The following MYO10 variants were observed in gnomAD, a reference collection of about 807,000 sequenced individuals.
MYO10 encodes the protein myosin X.
A neutral mutation model predicts 257.3 loss-of-function variants in MYO10; 133 were observed. That is an observed-to-expected ratio of 0.52 (90% CI 0.45 to 0.60). The LOEUF (loss-of-function observed/expected upper bound fraction) is 0.60. Ranked by LOEUF, MYO10 falls within the 20% of genes least tolerant of loss-of-function variation. The probability of loss-of-function intolerance (pLI) is 0.00; values close to 1 mark genes in which losing one functional copy is unlikely to be tolerated. For synonymous variants in MYO10, 1,104 were observed against 1,028.6 expected (o/e 1.07, Z -1.40); for missense variants, 2,399 against 2,635.7 (o/e 0.91, Z 1.97).
chr5:16,673,773 A>G lies in MYO10; in HGVS notation c.5081T>C (p.Leu1694Pro). The G allele has an allele frequency of 6.2e-7, 1 of 1,614,044 alleles. No individual in the cohort carries two copies. The highest frequency in any genetic ancestry group is 8.5e-7 in the Non-Finnish European group (1 of 1,179,906). Residue 1694 changes from leucine (L) to proline (P), a missense_variant, in exon 36 of 41, where the codon CTG (leucine) becomes CCG (proline). This residue lies in a region of MYO10 where 1,820 missense variants were observed against 1,939.4 expected (regional missense o/e 0.94). Transcript: ENST00000513610. Reference protein sequence around the residue: ...FVPSRDEIEALIHRQEMTSTV... With the variant: ...FVPSRDEIEAPIHRQEMTSTV... The stretch of plus-strand genomic sequence containing the variant: ...GGATGTCATTTCCTGCCTGTGGATC[A>G]GAGCTTCTATTTCATCTCGGGAAGG...
intron 1 of MYO10, among the ~76,000 whole-genome samples, chr5:16,928,848 A>AAAC (rs770299372): frequency 1.4e-5 from 2 of 142,738 alleles, no homozygotes; most frequent in Non-Finnish European, 3.1e-5. Context: ...CCATCTCAAA[A>AAAC]AACAACAACA....
At chr5:16,780,637 G>C (rs376039443) in intron 7 of MYO10, 29 bp from the exon 8 acceptor site, 13 of 1,553,226 alleles carry the variant, frequency 8.4e-6, no homozygotes, top group Non-Finnish European at 1.1e-5. Context: ...TTTATATTCA[G>C]AGATGTGTCC....
At chr5:16,806,324 T>G (rs1206709813) in intron 3 of MYO10, among the ~76,000 whole-genome samples, 1 of 149,758 alleles carries the variant, frequency 6.7e-6, no homozygotes, top group East Asian at 2.0e-4. Flanking sequence ...GCCACTGCAC[T>G]CCAGCCTGGG....
intron 4 of MYO10, among the ~76,000 whole-genome samples, chr5:16,789,101 C>A (rs765845017): frequency 9.2e-5 from 14 of 152,152 alleles, no homozygotes; most frequent in Non-Finnish European, 1.5e-4. Context: ...CTAGATCCAG[C>A]CCATGTGTCA....
chr5:16,819,533 A>G (rs890825), intron 2 of MYO10, among the ~76,000 whole-genome samples: 47,191 of 151,964 alleles, frequency 0.31, 7,958 homozygotes, highest in East Asian at 0.41. Flanking sequence ...ATCCTCCTTT[A>G]AGTAAAATAA....
At chr5:16,722,107 A>T (rs1205072419) in intron 19 of MYO10, among the ~76,000 whole-genome samples, 3 of 152,144 alleles carry the variant, frequency 2.0e-5, no homozygotes, top group African/African-American at 7.2e-5. Context: ...GTTGAGCCTG[A>T]TGGATCTTTT....
chr5:16,822,667 T>C (rs1742855796), intron 2 of MYO10, among the ~76,000 whole-genome samples: 1 of 147,560 alleles, frequency 6.8e-6, no homozygotes, highest in Admixed American at 7.0e-5. Context: ...GGAAATATTT[T>C]TTTTTCTTTT....
At chr5:16,822,733 GC>G (rs1742859787) in intron 2 of MYO10, among the ~76,000 whole-genome samples, 1 of 149,814 alleles carries the variant, frequency 6.7e-6, no homozygotes, top group African/African-American at 2.5e-5. Flanking sequence ...TGTCGCCCAG[GC>G]TGGAGTGCAG....
At chr5:16,891,026 T>A (rs1330241741) in intron 1 of MYO10, among the ~76,000 whole-genome samples, 5 of 151,702 alleles carry the variant, frequency 3.3e-5, no homozygotes, top group Non-Finnish European at 5.9e-5. Context: ...CTCACATCTG[T>A]AATCCCAGTA....
intron 1 of MYO10, among the ~76,000 whole-genome samples, chr5:16,878,642 C>T (rs1320104750): frequency 6.6e-6 from 1 of 152,190 alleles, no homozygotes; most frequent in Non-Finnish European, 1.5e-5. Context: ...TTCATGAATA[C>T]TACTCAGCCA....
intron 1 of MYO10, among the ~76,000 whole-genome samples, chr5:16,924,385 CA>C (rs1695647071): frequency 6.6e-6 from 1 of 152,140 alleles, no homozygotes; most frequent in Non-Finnish European, 1.5e-5. Flanking sequence ...TAAGGAGTTA[CA>C]AAATCCCCGG....
At chr5:16,779,322 C>T (rs917974254) in intron 9 of MYO10, among the ~76,000 whole-genome samples, 1 of 152,140 alleles carries the variant, frequency 6.6e-6, no homozygotes, top group African/African-American at 2.4e-5. Flanking sequence ...GACACATTCG[C>T]TCATCTTCTA....
In MYO10 at chr5:16,821,443, C is replaced by CTTTTT. The variant is rs571931909; in HGVS notation, c.121-3281_121-3277dup. Among the ~76,000 whole-genome samples, 17 of 70,260 alleles carry CTTTTT rather than the reference C, an allele frequency of 2.4e-4. 2 individuals carry two copies. The highest frequency in any genetic ancestry group is 6.9e-4 in the South Asian group (1 of 1,456). 46.1% of individuals were successfully genotyped at this position (70,260 alleles called of 152,430 possible). ...ATTTGACTTCCTTTCCTCCTATTTT[C>CTTTTT]TTTTTTTTTTTTTTTTTTTTTTTTT... On this transcript the variant is annotated intron_variant, in intron 2 of 40. Coordinates refer to ENST00000513610, the MANE Select transcript of MYO10 (RefSeq NM_012334.3).
At chr5:16,818,562 G>T (rs529982057) in intron 2 of MYO10, among the ~76,000 whole-genome samples, 1 of 151,046 alleles carries the variant, frequency 6.6e-6, no homozygotes, top group Non-Finnish European at 1.5e-5. Context: ...TCAGCCTCCC[G>T]AGCTGGGACT....
At chr5:16,782,083 C>T (rs1400715322) in intron 5 of MYO10, among the ~76,000 whole-genome samples, 1 of 152,200 alleles carries the variant, frequency 6.6e-6, no homozygotes, top group Non-Finnish European at 1.5e-5. Context: ...ACCGCAATGG[C>T]TCGTTCCTGC....
intron 10 of MYO10, among the ~76,000 whole-genome samples, chr5:16,767,975 G>A (rs1484717191): frequency 2.6e-5 from 4 of 152,028 alleles, no homozygotes; most frequent in African/African-American, 9.7e-5. Flanking sequence ...ACTGTGCCCA[G>A]CCAAAAAGTT....
chr5:16,762,584 T>C lies in MYO10; in HGVS notation c.1548A>G (p.Thr516=), dbSNP rs778978078. 6.2e-7 allele frequency: 1 copy of C among 1,610,236 alleles called. No homozygotes were observed. The highest frequency in any genetic ancestry group is 8.5e-7 in the Non-Finnish European group (1 of 1,178,530). The change falls in exon 15 of 41, where the codon ACA becomes ACG. Residue 516 remains threonine, a synonymous_variant. Transcript: ENST00000513610. Reference sequence around the variant, plus strand: ...GTAGCTTCTCCAATAAGGTGCTGTCTGTGGCTTGAGGAAAATGGCTTTCTT... The same window carrying C: ...GTAGCTTCTCCAATAAGGTGCTGTCCGTGGCTTGAGGAAAATGGCTTTCTT... ...INEESHFPQA[T]DSTLLEKLHS...
intron 19 of MYO10, among the ~76,000 whole-genome samples, chr5:16,735,203 T>C (rs370677438): frequency 2.6e-5 from 4 of 152,200 alleles, no homozygotes; most frequent in African/African-American, 9.6e-5. Context: ...GTTGCTTTTA[T>C]TCACTGAGCA....
At chr5:16,763,579 T>A (rs777002993) in intron 13 of MYO10, 32 bp from the exon 14 acceptor site, 1 of 1,595,172 alleles carries the variant, frequency 6.3e-7, no homozygotes, top group Non-Finnish European at 8.6e-7. Context: ...CCAAGTTAAA[T>A]GAAAACATAG....
Sources: gnomAD v4.1 joint callset for allele counts (sites outside exome capture counted in the v4.1 genomes callset) on GRCh38, gnomAD v4.1.1 for gene constraint, gnomAD v4.1.1 regional missense constraint, MANE v1.5 for transcripts, NCBI Gene and HGNC (gene_info 2026-07-23, HGNC 2026-07-21) for gene names.